Variants in MGRN1 observed in about 807,000 individuals in gnomAD.
MGRN1 encodes E3 ubiquitin-protein ligase MGRN1.
MGRN1 carries 29 observed loss-of-function variants against 69.2 expected under a neutral mutation model. That is an observed-to-expected ratio of 0.42 (90% CI 0.31 to 0.57). The LOEUF (loss-of-function observed/expected upper bound fraction) is 0.57. MGRN1 is among the 20% of genes least tolerant of loss of function. The probability of loss-of-function intolerance (pLI) is 0.15; values close to 1 mark genes in which losing one functional copy is unlikely to be tolerated. For synonymous variants in MGRN1, 470 were observed against 344.2 expected (o/e 1.37, Z -4.04); for missense variants, 998 against 796.2 (o/e 1.25, Z -3.05).
chr16:4,673,419 G>C (rs2078985032), intron 9 of MGRN1, 79 bp from the exon 10 acceptor site: 3 of 1,543,236 alleles, frequency 1.9e-6, no homozygotes, highest in Non-Finnish European at 2.6e-6. Context: ...GGAGTGGGGT[G>C]GGACAGCTGG....
intron 8 of MGRN1, among the ~76,000 whole-genome samples, chr16:4,670,630 G>A (rs2078917536): frequency 6.6e-6 from 1 of 152,254 alleles, no homozygotes; most frequent in African/African-American, 2.4e-5. Context: ...GGAGGCAGGA[G>A]GATTGCTTGA....
chr16:4,682,562 C>A (rs915628378), intron 13 of MGRN1, among the ~76,000 whole-genome samples: 1 of 151,906 alleles, frequency 6.6e-6, no homozygotes, highest in African/African-American at 2.4e-5. Flanking sequence ...TTTCTCTTCT[C>A]CTTCTAGAAA....
At chr16:4,641,739 G>C (rs187762128) in intron 1 of MGRN1, among the ~76,000 whole-genome samples, 1 of 151,964 alleles carries the variant, frequency 6.6e-6, no homozygotes, top group African/African-American at 2.4e-5. Flanking sequence ...GGCTGGTCTC[G>C]AACTCCCAAC....
At chr16:4,641,500 C>T (rs2078156023) in intron 1 of MGRN1, among the ~76,000 whole-genome samples, 1 of 150,038 alleles carries the variant, frequency 6.7e-6, no homozygotes, top group South Asian at 2.1e-4. Context: ...AGGCACATAC[C>T]ACTGTGCCTG....
At position 4,648,792 on chromosome 16, in the gene MGRN1, G is replaced by A. The variant is rs533134186; in HGVS notation, c.89-1573G>A. Among the ~76,000 whole-genome samples the A allele has an allele frequency of 6.0e-4, 75 of 125,218 alleles. 2 individuals carry two copies. In the South Asian group the frequency reaches 6.3e-3, roughly 11 times the overall value. The allele number at this position is 125,218 out of a possible 152,430, so 82.1% of individuals were successfully genotyped here. Reference sequence around the variant, plus strand: ...CCCGGGGCTCTTCCCGTGGTCACCCGGGTCCTCCTCCCGGGGCTCTTCCCG... The same window carrying A: ...CCCGGGGCTCTTCCCGTGGTCACCCAGGTCCTCCTCCCGGGGCTCTTCCCG... On this transcript the variant is annotated intron_variant, in intron 1 of 16. Coordinates refer to ENST00000262370, the MANE Select transcript of MGRN1 (RefSeq NM_015246.4).
At chr16:4,687,118 C>T in intron 16 of MGRN1, 1 of 985,452 alleles carries the variant, frequency 1.0e-6, no homozygotes, top group Non-Finnish European at 1.2e-6. Flanking sequence ...GAGCCCACTG[C>T]TGCCGACTCA....
intron 8 of MGRN1, among the ~76,000 whole-genome samples, chr16:4,668,947 TATAC>T (rs1266882183): frequency 2.6e-5 from 4 of 151,854 alleles, no homozygotes; most frequent in Admixed American, 6.6e-5. Context: ...CTTGCACACA[TATAC>T]ATAGACACAC....
At position 4,664,590 on chromosome 16, in the gene MGRN1, C is replaced by G. The variant is rs187183035; in HGVS notation, c.562-119C>G. 3.4e-3 allele frequency: 3,543 copies of G among 1,046,476 alleles called. 14 individuals are homozygous for G. The highest frequency in any genetic ancestry group is 4.3e-3 in the Non-Finnish European group (2,876 of 674,346). 64.8% of individuals were successfully genotyped at this position (1,046,476 alleles called of 1,614,324 possible). The stretch of plus-strand genomic sequence containing the variant: ...TCCCTGCCATCTCGAGGCGTGTCCT[C>G]TGAGCTCTGCTGCTGCCTCCTGCTC... On this transcript the variant is annotated intron_variant, in intron 5 of 16. Transcript: ENST00000262370.
chr16:4,650,559 A>G, intron 2 of MGRN1, 76 bp downstream of exon 2: 1 of 1,202,672 alleles, frequency 8.3e-7, no homozygotes. Flanking sequence ...CATCCCAGCC[A>G]TGAGGGCAAG....
At chr16:4,651,584 G>T (rs576835516) in intron 2 of MGRN1, among the ~76,000 whole-genome samples, 42 of 152,204 alleles carry the variant, frequency 2.8e-4, no homozygotes, top group African/African-American at 9.4e-4. Context: ...GGGGCGGGTT[G>T]CTGAGCTGTG....
intron 1 of MGRN1, among the ~76,000 whole-genome samples, chr16:4,637,399 C>T (rs1193585403): frequency 6.6e-6 from 1 of 151,992 alleles, no homozygotes; most frequent in Admixed American, 6.6e-5. Flanking sequence ...CATTGCACTC[C>T]AGCCTGAGCG....
chr16:4,660,424 C>A (rs1431844846), intron 5 of MGRN1, among the ~76,000 whole-genome samples: 1 of 152,222 alleles, frequency 6.6e-6, no homozygotes, highest in Non-Finnish European at 1.5e-5. Flanking sequence ...CCTCCCCAGA[C>A]CGTTGGTTTT....
chr16:4,643,496 C>G (rs1246711780), intron 1 of MGRN1, among the ~76,000 whole-genome samples: 1 of 151,364 alleles, frequency 6.6e-6, no homozygotes, highest in Non-Finnish European at 1.5e-5. Flanking sequence ...CAGCCCCTCC[C>G]AAGTACCTGG....
intron 7 of MGRN1, 58 bp downstream of exon 7, chr16:4,665,209 CT>C: frequency 6.3e-7 from 1 of 1,590,852 alleles, no homozygotes; most frequent in Admixed American, 1.7e-5. Flanking sequence ...AGGGGGTGGC[CT>C]TTTGAGACGA....
rs1047902261 is a variant in MGRN1 at position 4,688,207 on chromosome 16, G to C, written c.1619-589G>C. 3.0e-6 allele frequency: 3 copies of C among 985,504 alleles called. No individual in the cohort carries two copies. The African/African-American group carries it at 5.2e-5, about 17-fold the overall frequency. The allele number at this position is 985,504 out of a possible 1,614,324, so 61.0% of individuals were successfully genotyped here. On this transcript the variant is annotated intron_variant, in intron 16 of 16. Transcript: ENST00000262370. ...CCATGCTGGCCCCGTCCCAGGCTCT[G>C]CACCAGCACCATTGCCCAAGCCCCA...
intron 11 of MGRN1, 59 bp downstream of exon 11, chr16:4,677,631 G>A (rs1318404092): frequency 2.0e-6 from 3 of 1,513,550 alleles, no homozygotes; most frequent in Admixed American, 1.7e-5. Flanking sequence ...GCCTGGGCCA[G>A]GCGCAAGGCC....
chr16:4,679,077 G>C (rs1008112069), intron 11 of MGRN1, among the ~76,000 whole-genome samples: 2 of 152,176 alleles, frequency 1.3e-5, no homozygotes, highest in African/African-American at 4.8e-5. Context: ...CCCTACCATC[G>C]TGGGGCTCCT....
chr16:4,653,308 GGGGC>G (rs1208968855), intron 4 of MGRN1, among the ~76,000 whole-genome samples: 2 of 152,098 alleles, frequency 1.3e-5, no homozygotes, highest in Non-Finnish European at 2.9e-5. Context: ...GGGAAGGGGT[GGGGC>G]GCACCACCTT....
chr16:4,681,463 C>CA, intron 12 of MGRN1, 87 bp from the exon 13 acceptor site: 1 of 1,301,148 alleles, frequency 7.7e-7, no homozygotes, highest in Non-Finnish European at 1.1e-6. Context: ...CCCCAAAGAA[C>CA]AGAGTGGACA....
Sources: gnomAD v4.1 joint callset for allele counts (sites outside exome capture counted in the v4.1 genomes callset) on GRCh38, gnomAD v4.1.1 for gene constraint, MANE v1.5 for transcripts, NCBI Gene and HGNC (gene_info 2026-07-23, HGNC 2026-07-21) for gene names.